ROBO2: variants seen among roughly 807,000 people sequenced by gnomAD.
ROBO2 encodes roundabout homolog 2.
Under a neutral mutation model 160.8 loss-of-function variants are expected in ROBO2, and 53 were observed. That is an observed-to-expected ratio of 0.33 (90% CI 0.26 to 0.41). The LOEUF (loss-of-function observed/expected upper bound fraction) is 0.41. Among genes scored for constraint, ROBO2 ranks in the 10% least tolerant of loss-of-function variants. The pLI is 1.00. For missense variants in ROBO2, 1,577 were observed against 1,722.4 expected (o/e 0.92, Z 1.49); for synonymous variants, 664 against 611.7 (o/e 1.09, Z -1.26).
rs112536190 is a variant in ROBO2, at chr3:76,310,196, T to C, written c.109+372594T>C. 2.6e-5 allele frequency among the ~76,000 whole-genome samples: 4 copies of C among 152,314 alleles called. 1 individual carries two copies. Among genetic ancestry groups the C allele is most frequent in the South Asian group, 2.1e-4 (1 of 4,830 alleles). On this transcript the variant is annotated intron_variant, in intron 2 of 26. Transcript: ENST00000487694. ...ATCCAGGGGCACTGTCATGTGTTAA[T>C]TATAACCATACCTTGTGACCAGCAA...
chr3:77,009,658 A>G (rs2061762461), intron 2 of ROBO2, among the ~76,000 whole-genome samples: 1 of 152,280 alleles, frequency 6.6e-6, no homozygotes, highest in Admixed American at 6.5e-5. Context: ...TGAAAAATAT[A>G]CTATTTAAAA....
chr3:76,741,483 A>T (rs1197587059), intron 2 of ROBO2, among the ~76,000 whole-genome samples: 1 of 152,048 alleles, frequency 6.6e-6, no homozygotes, highest in Non-Finnish European at 1.5e-5. Context: ...GATATTTACC[A>T]CAGGTGAAAG....
At chr3:77,579,075 C>A (rs2093843600) in intron 15 of ROBO2, among the ~76,000 whole-genome samples, 1 of 152,090 alleles carries the variant, frequency 6.6e-6, no homozygotes, top group African/African-American at 2.4e-5. Flanking sequence ...TGGGAACTTA[C>A]CTGCTCCGAA....
At chr3:77,433,510 A>ATATATATATATATG (rs1553954820) in intron 2 of ROBO2, among the ~76,000 whole-genome samples, 2 of 129,128 alleles carry the variant, frequency 1.5e-5, no homozygotes, top group Non-Finnish European at 3.3e-5. Flanking sequence ...ATATATATAT[A>ATATATATATATATG]TATATATATT....
At chr3:77,159,478 C>T (rs2078300485) in intron 2 of ROBO2, among the ~76,000 whole-genome samples, 1 of 148,258 alleles carries the variant, frequency 6.7e-6, no homozygotes, top group South Asian at 2.1e-4. Flanking sequence ...CCCAGCTCTT[C>T]CATAGTGGAT....
intron 2 of ROBO2, among the ~76,000 whole-genome samples, chr3:76,110,731 A>C (rs2108232538): frequency 1.3e-5 from 2 of 152,256 alleles, no homozygotes; most frequent in South Asian, 4.1e-4. Flanking sequence ...ATAAAATGTA[A>C]CATGCTTAAG....
intron 4 of ROBO2, among the ~76,000 whole-genome samples, chr3:77,485,741 A>G (rs774433234): frequency 3.9e-5 from 6 of 151,978 alleles, no homozygotes; most frequent in Non-Finnish European, 8.8e-5. Context: ...CTTGTAGCAG[A>G]GAGTGTTGTT....
chr3:77,522,281 C>G (rs552476449), intron 5 of ROBO2, among the ~76,000 whole-genome samples: 23 of 150,898 alleles, frequency 1.5e-4, no homozygotes, highest in African/African-American at 5.1e-4. Flanking sequence ...GATTACATAC[C>G]CTTAATTCTT....
intron 2 of ROBO2, among the ~76,000 whole-genome samples, chr3:76,292,075 C>T (rs1436191948): frequency 6.6e-6 from 1 of 152,002 alleles, no homozygotes; most frequent in Non-Finnish European, 1.5e-5. Context: ...TAGTTTTCTG[C>T]CTCGATGATC....
At chr3:76,498,918 A>G (rs2080309635) in intron 2 of ROBO2, among the ~76,000 whole-genome samples, 1 of 151,806 alleles carries the variant, frequency 6.6e-6, no homozygotes, top group Non-Finnish European at 1.5e-5. Context: ...TGAACTCCTG[A>G]CCTCATGATC....
At chr3:77,256,604 A>G (rs952153840) in intron 2 of ROBO2, among the ~76,000 whole-genome samples, 1 of 152,224 alleles carries the variant, frequency 6.6e-6, no homozygotes, top group Non-Finnish European at 1.5e-5. Context: ...AAGTTAAATA[A>G]GAGGAGGGCT....
chr3:76,246,993 G>A (rs1283297669), intron 2 of ROBO2, among the ~76,000 whole-genome samples: 1 of 152,044 alleles, frequency 6.6e-6, no homozygotes, highest in Non-Finnish European at 1.5e-5. Flanking sequence ...GCTCAAGGGT[G>A]ACCAGCAAAT....
intron 13 of ROBO2, among the ~76,000 whole-genome samples, chr3:77,573,174 A>C (rs1222535192): frequency 6.6e-6 from 1 of 152,004 alleles, no homozygotes; most frequent in Non-Finnish European, 1.5e-5. Flanking sequence ...ATGCTATCAT[A>C]GTTTGTGTTT....
chr3:76,980,060 T>C (rs554435875), intron 2 of ROBO2, among the ~76,000 whole-genome samples: 1 of 152,314 alleles, frequency 6.6e-6, no homozygotes, highest in East Asian at 1.9e-4. Context: ...GGTACCATAC[T>C]GCAGGAAATA....
intron 2 of ROBO2, among the ~76,000 whole-genome samples, chr3:76,856,662 C>T (rs2070120277): frequency 6.6e-6 from 1 of 152,078 alleles, no homozygotes; most frequent in South Asian, 2.1e-4. Flanking sequence ...GGTTGGGGCC[C>T]AATAATTTTC....
intron 2 of ROBO2, among the ~76,000 whole-genome samples, chr3:76,919,607 G>A (rs531027673): frequency 2.8e-4 from 43 of 152,130 alleles, no homozygotes; most frequent in Non-Finnish European, 5.7e-4. Flanking sequence ...ACTTGTTTAC[G>A]CATCCTATCA....
At chr3:76,078,223 T>C (rs1165577025) in intron 2 of ROBO2, among the ~76,000 whole-genome samples, 1 of 152,214 alleles carries the variant, frequency 6.6e-6, no homozygotes, top group Non-Finnish European at 1.5e-5. Flanking sequence ...GAGTTGATAT[T>C]CTTAAGTTGT....
intron 2 of ROBO2, among the ~76,000 whole-genome samples, chr3:76,715,308 AC>A (rs950146868): frequency 6.6e-5 from 10 of 152,192 alleles, no homozygotes; most frequent in African/African-American, 2.4e-4. Flanking sequence ...GAATACCACC[AC>A]CACTAACATC....
At chr3:76,350,850 A>G (rs1294779698) in intron 2 of ROBO2, among the ~76,000 whole-genome samples, 3 of 151,968 alleles carry the variant, frequency 2.0e-5, no homozygotes, top group Non-Finnish European at 4.4e-5. Context: ...TCATGAAGAC[A>G]AACACTGATT....
Sources: allele counts gnomAD v4.1 joint callset (sites outside exome capture counted in the v4.1 genomes callset), GRCh38; gene constraint gnomAD v4.1.1; transcripts MANE v1.5; gene names NCBI Gene and HGNC (gene_info 2026-07-23, HGNC 2026-07-21).